RGL1: variants seen among roughly 807,000 people sequenced by gnomAD.
RGL1 encodes ral guanine nucleotide dissociation stimulator-like 1.
Under a neutral mutation model 95.2 loss-of-function variants are expected in RGL1, and 24 were observed. The observed-to-expected ratio is 0.25, with a 90% CI of 0.18 to 0.35. RGL1 has a LOEUF of 0.35. RGL1 is among the 10% of genes least tolerant of loss of function. RGL1 has a pLI of 1.00. For synonymous variants in RGL1, 329 were observed against 344.9 expected (o/e 0.95, Z 0.51); for missense variants, 715 against 936.3 (o/e 0.76, Z 3.08).
chr1:183,914,280 A>C (rs141465084), intron 15 of RGL1, among the ~76,000 whole-genome samples: 1 of 152,310 alleles, frequency 6.6e-6, no homozygotes. Flanking sequence ...TCTCCTGCAC[A>C]TCCCTTGCTT....
intron 3 of RGL1, among the ~76,000 whole-genome samples, chr1:183,849,494 T>A (rs1410282031): frequency 5.8e-5 from 8 of 138,842 alleles, no homozygotes; most frequent in Admixed American, 5.1e-4. Context: ...TTTTTTTTTT[T>A]TTTTTTTTTT....
intron 16 of RGL1, among the ~76,000 whole-genome samples, chr1:183,921,471 A>T (rs1669306060): frequency 6.6e-6 from 1 of 151,992 alleles, no homozygotes; most frequent in African/African-American, 2.4e-5. Context: ...GAAAGAATAG[A>T]CTCCACTGGT....
At chr1:183,675,603 A>G (rs1349704177) in intron 1 of RGL1, among the ~76,000 whole-genome samples, 2 of 152,174 alleles carry the variant, frequency 1.3e-5, no homozygotes, top group South Asian at 2.1e-4. Flanking sequence ...GTCACAGCCC[A>G]TGATGGGATA....
At chr1:183,805,971 C>CTTTTTTT (rs751229707) in intron 1 of RGL1, among the ~76,000 whole-genome samples, 47 of 74,590 alleles carry the variant, frequency 6.3e-4, no homozygotes, top group African/African-American at 9.7e-4. Flanking sequence ...CTTTTCTTTT[C>CTTTTTTT]TTTTTTTTTT....
At chr1:183,680,861 T>C (rs1199322552) in intron 1 of RGL1, among the ~76,000 whole-genome samples, 1 of 152,330 alleles carries the variant, frequency 6.6e-6, no homozygotes, top group South Asian at 2.1e-4. Context: ...CCTTGAGCAG[T>C]GGTTTGTAGT....
chr1:183,728,564 A>ACTGT (rs1656441334), intron 1 of RGL1, among the ~76,000 whole-genome samples: 2 of 151,542 alleles, frequency 1.3e-5, no homozygotes, highest in East Asian at 3.9e-4. Flanking sequence ...AAGACCTGAA[A>ACTGT]TTGTGATTTC....
In RGL1 at chr1:183,761,924, C is replaced by T. The variant is rs141850635; in HGVS notation, c.132+19635C>T. Reference sequence around the variant, plus strand: ...TCTTCTCTTAAACATCATGAACCAACCGCTGCAAGCTTCAAACTTTTCTTC... The same window carrying T: ...TCTTCTCTTAAACATCATGAACCAATCGCTGCAAGCTTCAAACTTTTCTTC... On this transcript the variant is annotated intron_variant, in intron 2 of 18. Coordinates refer to the RGL1 transcript ENST00000304685. 2.0e-5 allele frequency among the ~76,000 whole-genome samples: 3 copies of T among 152,318 alleles called. No homozygotes were observed. In the East Asian group the frequency reaches 5.8e-4, roughly 29 times the overall value.
At chr1:183,775,821 G>T (rs1219451581) in intron 2 of RGL1, among the ~76,000 whole-genome samples, 1 of 152,100 alleles carries the variant, frequency 6.6e-6, no homozygotes. Flanking sequence ...TTGAGATTTG[G>T]CTCTTTGAAA....
intron 1 of RGL1, among the ~76,000 whole-genome samples, chr1:183,721,361 A>G (rs1157525593): frequency 6.6e-6 from 1 of 152,072 alleles, no homozygotes; most frequent in African/African-American, 2.4e-5. Context: ...TTCCACTGCC[A>G]TTGTTCCACT....
At chr1:183,803,337 A>C (rs949773781), upstream of RGL1, among the ~76,000 whole-genome samples, 8 of 152,192 alleles carry the variant, frequency 5.3e-5, no homozygotes, top group African/African-American at 1.9e-4. Context: ...GCATTATTTC[A>C]TTTGATCTCT....
chr1:183,725,173 ATGCAGATACAGC>A, intron 1 of RGL1, among the ~76,000 whole-genome samples: 1 of 152,306 alleles, frequency 6.6e-6, no homozygotes, highest in South Asian at 2.1e-4. Flanking sequence ...TGTCCCCCTA[ATGCAGATACAGC>A]TGCAGTGACC....
At chr1:183,808,290 G>C (rs1041947597) in intron 2 of RGL1, among the ~76,000 whole-genome samples, 9 of 152,102 alleles carry the variant, frequency 5.9e-5, no homozygotes, top group African/African-American at 1.9e-4. Context: ...ACAGAGTTCA[G>C]AGTTAATTCA....
chr1:183,906,375 G>A (rs1249062069), intron 13 of RGL1, among the ~76,000 whole-genome samples: 1 of 152,068 alleles, frequency 6.6e-6, no homozygotes. Context: ...TCTGAATCTG[G>A]AGCATTTTTA....
At chr1:183,762,457 C>T (rs1019300730) in intron 2 of RGL1, among the ~76,000 whole-genome samples, 2 of 152,266 alleles carry the variant, frequency 1.3e-5, no homozygotes, top group African/African-American at 2.4e-5. Flanking sequence ...AATTTTTTTC[C>T]AGCCTACATC....
rs868334103 is a variant in RGL1, at chr1:183,845,644, T to C, written c.139-1922T>C. ...CAGAGCTTAACCCAGTGGTGCTTGGTACAACCATTTTCTCAGTCAGCTCTG... is the reference window on the plus strand; with the variant it reads ...CAGAGCTTAACCCAGTGGTGCTTGGCACAACCATTTTCTCAGTCAGCTCTG... On this transcript the variant is annotated intron_variant, in intron 2 of 17. Transcript: ENST00000360851. Among the ~76,000 whole-genome samples, 4 of 152,290 alleles carry C rather than the reference T, an allele frequency of 2.6e-5. No homozygotes were observed. The South Asian group carries it at 8.3e-4, about 32-fold the overall frequency.
chr1:183,771,677 C>T lies in RGL1; in HGVS notation c.132+29388C>T, dbSNP rs150222454. ...GTGGTTCCTTTAAATGATATGGAAGCGGGAAGGGAAGTGTTGGATAGCGGA... is the reference window on the plus strand; with the variant it reads ...GTGGTTCCTTTAAATGATATGGAAGTGGGAAGGGAAGTGTTGGATAGCGGA... On this transcript the variant is annotated intron_variant, in intron 2 of 18. Transcript: ENST00000304685. 2.6e-5 allele frequency among the ~76,000 whole-genome samples: 4 copies of T among 152,040 alleles called. No homozygotes were observed. In the East Asian group the frequency reaches 7.7e-4, roughly 29 times the overall value.
chr1:183,867,753 G>C (rs1665926255), intron 4 of RGL1, among the ~76,000 whole-genome samples: 1 of 152,174 alleles, frequency 6.6e-6, no homozygotes, highest in African/African-American at 2.4e-5. Flanking sequence ...TGAGTAGATG[G>C]AATGTGCACC....
intron 10 of RGL1, 121 bp from the exon 11 acceptor site, chr1:183,900,029 G>C (rs1667926767): frequency 3.1e-6 from 2 of 653,530 alleles, no homozygotes; most frequent in African/African-American, 3.6e-5. Flanking sequence ...ATTCATGGAG[G>C]TTAGCACCAC....
At chr1:183,750,482 G>A (rs1657923186) in intron 2 of RGL1, among the ~76,000 whole-genome samples, 1 of 152,152 alleles carries the variant, frequency 6.6e-6, no homozygotes, top group Non-Finnish European at 1.5e-5. Context: ...AAGGTTCTTA[G>A]CTTCCTTGCA....
Sources: gnomAD v4.1 joint callset for allele counts (sites outside exome capture counted in the v4.1 genomes callset) on GRCh38, gnomAD v4.1.1 for gene constraint, MANE v1.5 for transcripts, NCBI Gene and HGNC (gene_info 2026-07-23, HGNC 2026-07-21) for gene names.